RNF212B: variants seen among roughly 807,000 people sequenced by gnomAD.
RNF212B encodes E3 ubiquitin-protein ligase RNF212B.
RNF212B carries 52 observed loss-of-function variants against 55.5 expected under a neutral mutation model. That is an observed-to-expected ratio of 0.94 (90% CI 0.75 to 1.18). The LOEUF (loss-of-function observed/expected upper bound fraction) is 1.18, where lower values mean the gene tolerates loss of function less well. Among genes scored for constraint, RNF212B ranks in the 50% most tolerant of loss-of-function variants. The pLI is 0.00. For synonymous variants in RNF212B, 99 were observed against 121.4 expected, an observed-to-expected ratio of 0.82 and a Z score of 1.21; for missense variants, 289 against 350.4, an observed-to-expected ratio of 0.82 and a Z score of 1.40.
intron 4 of RNF212B, among the ~76,000 whole-genome samples, chr14:23,254,807 C>A (rs187355883): frequency 1.3e-5 from 2 of 152,314 alleles, no homozygotes; most frequent in East Asian, 3.9e-4. Context: ...ATTACTGTGC[C>A]TCTCTCAGTA....
intron 4 of RNF212B, among the ~76,000 whole-genome samples, chr14:23,246,463 T>C (rs193241107): frequency 6.6e-5 from 10 of 152,208 alleles, no homozygotes; most frequent in South Asian, 2.1e-4. Context: ...TGCTAACTTA[T>C]AGCTTTATTT....
At chr14:23,197,990 G>T (rs377336643) in intron 2 of RNF212B, among the ~76,000 whole-genome samples, 3 of 152,150 alleles carry the variant, frequency 2.0e-5, no homozygotes, top group South Asian at 2.1e-4. Context: ...AGATTACAAA[G>T]TACATTGATC....
chr14:23,199,681 T>G (rs1281281965), intron 2 of RNF212B, among the ~76,000 whole-genome samples: 3 of 151,904 alleles, frequency 2.0e-5, no homozygotes, highest in South Asian at 4.2e-4. Context: ...AAGTCTCATG[T>G]CCTATGAAGG....
At chr14:23,218,829 C>G (rs1233189514) in intron 2 of RNF212B, among the ~76,000 whole-genome samples, 2 of 151,904 alleles carry the variant, frequency 1.3e-5, no homozygotes, top group African/African-American at 4.8e-5. Flanking sequence ...TATCAACATT[C>G]AAGTACAGGA....
intron 3 of RNF212B, 60 bp from the exon 4 acceptor site, chr14:23,244,262 T>A: frequency 1.1e-6 from 1 of 952,120 alleles, no homozygotes. Context: ...GTCATGTTAG[T>A]CAGTATTTTA....
At chr14:23,236,965 T>C (rs1161519735), upstream of RNF212B, among the ~76,000 whole-genome samples, 2 of 149,134 alleles carry the variant, frequency 1.3e-5, no homozygotes, top group Non-Finnish European at 3.0e-5. Flanking sequence ...CTCTCTCTTT[T>C]TTTTTTTTTT....
rs1268602357 is a variant in RNF212B, at chr14:23,272,924, T to A, written c.*33T>A. 2 of 1,313,720 alleles carry A rather than the reference T, an allele frequency of 1.5e-6. No individual in the cohort carries two copies. The highest frequency in any genetic ancestry group is 1.1e-6 in the Non-Finnish European group (1 of 950,202). The allele number at this position is 1,313,720 out of a possible 1,614,324, so 81.4% of individuals were successfully genotyped here. ...TCAAGATCTGATCTATACATGCTGC[T>A]GAAGGATGGACTGTAGCTTCCAGTA... On this transcript the variant is annotated 3_prime_UTR_variant, in exon 15 of 15. Coordinates refer to ENST00000430154, the MANE Select transcript of RNF212B (RefSeq NM_001282322.3).
intron 4 of RNF212B, among the ~76,000 whole-genome samples, chr14:23,255,124 C>T (rs1261419859): frequency 6.6e-6 from 1 of 152,166 alleles, no homozygotes; most frequent in East Asian, 1.9e-4. Flanking sequence ...TCTGCTTTAC[C>T]CTTTACAAGG....
chr14:23,251,120 C>T (rs1037959331), intron 4 of RNF212B, among the ~76,000 whole-genome samples: 8 of 152,092 alleles, frequency 5.3e-5, no homozygotes, highest in Non-Finnish European at 1.2e-4. Context: ...GTTCTTATGC[C>T]TGACGTAAAG....
At chr14:23,248,290 G>T (rs1489432352) in intron 4 of RNF212B, among the ~76,000 whole-genome samples, 1 of 150,744 alleles carries the variant, frequency 6.6e-6, no homozygotes, top group Non-Finnish European at 1.5e-5. Flanking sequence ...ACCACACCTG[G>T]CTAGTTTTTG....
chr14:23,262,814 T>G, intron 8 of RNF212B, 103 bp downstream of exon 8: 1 of 1,442,428 alleles, frequency 6.9e-7, no homozygotes, highest in East Asian at 2.5e-5. Flanking sequence ...TTCCTAACTT[T>G]ATGTGTAATA....
At chr14:23,217,258 G>GC (rs1555312329) in intron 2 of RNF212B, among the ~76,000 whole-genome samples, 1,911 of 138,084 alleles carry the variant, frequency 0.014, 54 homozygotes, top group African/African-American at 0.045. Flanking sequence ...GCAGTGGTGG[G>GC]GGGGGGGCTC....
At chr14:23,196,185 G>C (rs1015643388) in intron 2 of RNF212B, among the ~76,000 whole-genome samples, 1 of 152,140 alleles carries the variant, frequency 6.6e-6, no homozygotes, top group African/African-American at 2.4e-5. Context: ...AGCCACCATG[G>C]AAAAGTGCCT....
At chr14:23,197,100 G>A (rs1231368990) in intron 2 of RNF212B, among the ~76,000 whole-genome samples, 1 of 152,224 alleles carries the variant, frequency 6.6e-6, no homozygotes, top group Non-Finnish European at 1.5e-5. Flanking sequence ...GGACATGTAT[G>A]TGGTAACACT....
intron 2 of RNF212B, among the ~76,000 whole-genome samples, chr14:23,232,609 C>T (rs576484092): frequency 3.2e-4 from 49 of 151,430 alleles, no homozygotes; most frequent in African/African-American, 1.2e-3. Context: ...GGGTCAGCCC[C>T]CGCCCGGCCA....
chr14:23,262,242 A>T (rs1885349431), intron 7 of RNF212B, among the ~76,000 whole-genome samples: 1 of 152,086 alleles, frequency 6.6e-6, no homozygotes. Flanking sequence ...GGATCTAGGA[A>T]ATATAGACCC....
intron 2 of RNF212B, among the ~76,000 whole-genome samples, chr14:23,210,566 A>T (rs1299310651): frequency 1.3e-5 from 2 of 152,134 alleles, no homozygotes. Context: ...TCACGAGGTC[A>T]GGAGTTTGAG....
At chr14:23,217,250 AGTGGTGG>A (rs1881173935) in intron 2 of RNF212B, among the ~76,000 whole-genome samples, 1 of 17,400 alleles carries the variant, frequency 5.7e-5, no homozygotes, top group Non-Finnish European at 1.2e-4. Flanking sequence ...CAGTGGTGGC[AGTGGTGG>A]GGGGGGGGCT....
rs535521191 is a variant in RNF212B, at chr14:23,248,308, T to C, written c.228+3912T>C. ...ACACCTGGCTAGTTTTTGTGTTTTT[T>C]TTTTTTTAATAGATACAGGGTTTTA... is the stretch of plus-strand genomic sequence containing the variant. On this transcript the variant is annotated intron_variant, in intron 4 of 14. Transcript: ENST00000430154. Among the ~76,000 whole-genome samples, 5 of 150,144 alleles carry C rather than the reference T, an allele frequency of 3.3e-5. No individual in the cohort carries two copies. The South Asian group carries it at 1.1e-3, about 33-fold the overall frequency.
Sources: allele counts gnomAD v4.1 joint callset (sites outside exome capture counted in the v4.1 genomes callset), GRCh38; gene constraint gnomAD v4.1.1; transcripts MANE v1.5; gene names NCBI Gene and HGNC (gene_info 2026-07-23, HGNC 2026-07-21).